SENP7: variants seen among roughly 807,000 people sequenced by gnomAD.
SENP7 encodes the protein SUMO specific peptidase 7.
In SENP7, 64 loss-of-function variants were observed where a neutral mutation model predicts 141.2. The ratio of observed to expected loss-of-function variants is 0.45; its 90% confidence interval spans 0.37 to 0.56. SENP7 has a LOEUF of 0.56. SENP7 is among the 20% of genes least tolerant of loss of function. The probability of loss-of-function intolerance (pLI) is 0.00; values close to 1 mark genes in which losing one functional copy is unlikely to be tolerated. For missense variants in SENP7, 1,025 were observed against 1,212.2 expected (o/e 0.85, Z 2.29); for synonymous variants, 382 against 426.4 (o/e 0.90, Z 1.28).
chr3:101,512,946 A>C, intron 1 of SENP7, 145 bp downstream of exon 1: 1 of 855,050 alleles, frequency 1.2e-6, no homozygotes, highest in East Asian at 2.5e-5. Flanking sequence ...GCGACCCGGG[A>C]GCCTTCCATT....
At chr3:101,393,391 G>T (rs1348529899) in intron 6 of SENP7, among the ~76,000 whole-genome samples, 2 of 152,168 alleles carry the variant, frequency 1.3e-5, no homozygotes, top group African/African-American at 2.4e-5. Context: ...CATTTTCAGA[G>T]TGGAGAGACA....
At chr3:101,450,181 A>T (rs2063072244) in intron 4 of SENP7, among the ~76,000 whole-genome samples, 1 of 152,188 alleles carries the variant, frequency 6.6e-6, no homozygotes, top group African/African-American at 2.4e-5. Context: ...ATATATATGC[A>T]CCCAACACAG....
At chr3:101,469,894 A>G (rs2063917861) in intron 3 of SENP7, among the ~76,000 whole-genome samples, 1 of 150,854 alleles carries the variant, frequency 6.6e-6, no homozygotes, top group South Asian at 2.1e-4. Flanking sequence ...CCACAGTGCA[A>G]TCAAATTAGA....
At chr3:101,400,604 T>C (rs548482824) in intron 5 of SENP7, among the ~76,000 whole-genome samples, 1 of 151,426 alleles carries the variant, frequency 6.6e-6, no homozygotes, top group South Asian at 2.1e-4. Flanking sequence ...GCATAAGACA[T>C]TGAACTTAAT....
At chr3:101,445,500 G>C (rs1490826349) in intron 4 of SENP7, among the ~76,000 whole-genome samples, 3 of 150,794 alleles carry the variant, frequency 2.0e-5, no homozygotes, top group Non-Finnish European at 4.4e-5. Flanking sequence ...AAGGAACAAA[G>C]GATATACAAA....
At chr3:101,470,125 G>A (rs1286617952) in intron 3 of SENP7, among the ~76,000 whole-genome samples, 5 of 152,078 alleles carry the variant, frequency 3.3e-5, no homozygotes, top group Admixed American at 2.6e-4. Flanking sequence ...GAGAAAGCAG[G>A]AAAGATCTAA....
At chr3:101,388,534 A>T (rs1205976823) in intron 6 of SENP7, among the ~76,000 whole-genome samples, 1 of 152,236 alleles carries the variant, frequency 6.6e-6, no homozygotes, top group Non-Finnish European at 1.5e-5. Context: ...AATTGGAAGA[A>T]ATAACTGTTC....
chr3:101,457,699 G>T, intron 4 of SENP7: 1 of 1,138,574 alleles, frequency 8.8e-7, no homozygotes, highest in Non-Finnish European at 1.3e-6. Context: ...AGTTTGGCAA[G>T]TTTTTCCTGA....
chr3:101,327,602 C>G, intron 23 of SENP7, 64 bp downstream of exon 23: 3 of 1,277,042 alleles, frequency 2.3e-6, no homozygotes, highest in East Asian at 2.5e-5. Context: ...GACTATTACA[C>G]CCAGTAACTT....
At position 101,330,364 on chromosome 3, in the gene SENP7, C is replaced by G; in HGVS notation, c.2721G>C (p.Ser907=). 1 of 1,607,696 alleles carries G rather than the reference C, an allele frequency of 6.2e-7. No homozygotes were observed. The highest frequency in any genetic ancestry group is 1.3e-5 in the African/African-American group (1 of 74,814). The change falls in exon 20 of 24, where the codon TCG becomes TCC. Residue 907 remains serine, a synonymous_variant. Coordinates refer to ENST00000394095, the MANE Select transcript of SENP7 (RefSeq NM_020654.5). The part of the protein sequence containing the change: ...KTIDNDLRTT[S]TLSLSAEDSQ... ...AATCCTCTGCACTCAAAGACAGTGT[C>G]GAAGTAGTACGTAGATCATTATCTA...
At chr3:101,489,055 C>T (rs1158546889) in intron 3 of SENP7, among the ~76,000 whole-genome samples, 1 of 152,084 alleles carries the variant, frequency 6.6e-6, no homozygotes, top group Non-Finnish European at 1.5e-5. Context: ...CATATCCTAC[C>T]AGCCCAACAT....
chr3:101,386,492 G>T (rs2060654920), intron 6 of SENP7, among the ~76,000 whole-genome samples: 1 of 152,172 alleles, frequency 6.6e-6, no homozygotes, highest in African/African-American at 2.4e-5. Context: ...GTACCATTTT[G>T]AGAGCCTAGT....
chr3:101,340,296 C>G, intron 15 of SENP7, 85 bp from the exon 16 acceptor site: 1 of 1,431,320 alleles, frequency 7.0e-7, no homozygotes, highest in Non-Finnish European at 9.3e-7. Context: ...AATAACTGGG[C>G]AGTGGTATTC....
At chr3:101,500,351 G>A (rs901379510) in intron 2 of SENP7, among the ~76,000 whole-genome samples, 1 of 152,084 alleles carries the variant, frequency 6.6e-6, no homozygotes, top group African/African-American at 2.4e-5. Context: ...GGCCAGGAAT[G>A]TGAGACCAGC....
intron 3 of SENP7, among the ~76,000 whole-genome samples, chr3:101,480,112 A>G (rs991571726): frequency 6.6e-6 from 1 of 152,098 alleles, no homozygotes; most frequent in Non-Finnish European, 1.5e-5. Context: ...GCAGCAATCT[A>G]CAGATTCAAT....
intron 3 of SENP7, among the ~76,000 whole-genome samples, chr3:101,491,319 CGCT>C: frequency 1.1e-5 from 1 of 86,958 alleles, no homozygotes; most frequent in Admixed American, 1.5e-4. Flanking sequence ...AACAGGATCT[CGCT>C]ATATTTCCTA....
intron 14 of SENP7, 129 bp downstream of exon 14, chr3:101,343,557 G>T: frequency 1.4e-6 from 1 of 735,000 alleles, no homozygotes; most frequent in Non-Finnish European, 2.2e-6. Context: ...CATTGGCAAC[G>T]GGAGTTCTTT....
chr3:101,489,236 A>G (rs1247046765), intron 3 of SENP7, among the ~76,000 whole-genome samples: 1 of 152,202 alleles, frequency 6.6e-6, no homozygotes, highest in Non-Finnish European at 1.5e-5. Flanking sequence ...GCCCACAGAC[A>G]CTACAAAGCA....
intron 11 of SENP7, chr3:101,357,430 A>C (rs555340669): frequency 4.3e-6 from 4 of 939,414 alleles, no homozygotes; most frequent in Non-Finnish European, 6.5e-6. Flanking sequence ...AAGGGAAAAA[A>C]CCTTTGACTA....
Sources: gnomAD v4.1 joint callset for allele counts (sites outside exome capture counted in the v4.1 genomes callset) on GRCh38, gnomAD v4.1.1 for gene constraint, MANE v1.5 for transcripts, NCBI Gene and HGNC (gene_info 2026-07-23, HGNC 2026-07-21) for gene names.